Variants in RAD54L2 observed in about 807,000 individuals in gnomAD.
The protein encoded by RAD54L2 is RAD54 like 2.
Under a neutral mutation model 138.4 loss-of-function variants are expected in RAD54L2, and 27 were observed. That is an observed-to-expected ratio of 0.20 (90% CI 0.14 to 0.27). RAD54L2 has a LOEUF of 0.27. RAD54L2 is among the 10% of genes least tolerant of loss of function. The pLI is 1.00. For synonymous variants in RAD54L2, 644 were observed against 723.2 expected, an observed-to-expected ratio of 0.89 and a Z score of 1.76; for missense variants, 1,396 against 1,890.2, an observed-to-expected ratio of 0.74 and a Z score of 4.85.
chr3:51,599,930 T>TA (rs1700045284), intron 3 of RAD54L2, among the ~76,000 whole-genome samples: 1 of 150,992 alleles, frequency 6.6e-6, no homozygotes, highest in African/African-American at 2.4e-5. Context: ...AAGTAACTTT[T>TA]TTATTTTTTA....
Position 51,630,811 on chromosome 3 carries a change from C to A in RAD54L2, c.705C>A (p.Val235=). ...DEEEEKGGTH[V]NDVLNQRDAL... is the part of the protein sequence containing the mutation. ...AAGAAGAGAAGGGTGGCACCCATGT[C>A]AATGATGTCTTAAACCAGCGTGACG... Residue 235 remains valine (V), a synonymous_variant, in exon 7 of 23, where the codon GTC becomes GTA. Coordinates refer to ENST00000684192, the MANE Select transcript of RAD54L2 (RefSeq NM_015106.4). 6.2e-7 allele frequency: 1 copy of A among 1,613,998 alleles called. No individual in the cohort carries two copies. The highest frequency in any genetic ancestry group is 8.5e-7 in the Non-Finnish European group (1 of 1,179,876).
intron 19 of RAD54L2, among the ~76,000 whole-genome samples, chr3:51,653,268 AAGTC>A (rs1193506759): frequency 6.6e-6 from 1 of 152,216 alleles, no homozygotes; most frequent in Non-Finnish European, 1.5e-5. Flanking sequence ...GATCATTAAA[AAGTC>A]AGGAAACAAC....
chr3:51,581,929 C>CTTTT (rs200417357), intron 2 of RAD54L2, among the ~76,000 whole-genome samples: 2 of 142,196 alleles, frequency 1.4e-5, no homozygotes, highest in Admixed American at 1.4e-4. Context: ...CTTCTCTTTT[C>CTTTT]TTTTTTTTTT....
chr3:51,550,488 G>A (rs776362104), intron 2 of RAD54L2, among the ~76,000 whole-genome samples: 12 of 152,214 alleles, frequency 7.9e-5, no homozygotes, highest in Admixed American at 2.0e-4. Flanking sequence ...CCTGCTGGGT[G>A]TGGTGGTTTA....
chr3:51,629,499 G>T, intron 5 of RAD54L2, 26 bp downstream of exon 5: 1 of 1,608,422 alleles, frequency 6.2e-7, no homozygotes, highest in Non-Finnish European at 8.5e-7. Flanking sequence ...GGCAGGGAAG[G>T]CCCTTTGCTT....
At chr3:51,644,926 A>T (rs1451173980) in intron 16 of RAD54L2, 98 bp from the exon 17 acceptor site, 2 of 1,207,280 alleles carry the variant, frequency 1.7e-6, no homozygotes, top group Admixed American at 3.7e-5. Flanking sequence ...AGGGCTTAGG[A>T]CAGAGTAATA....
intron 14 of RAD54L2, among the ~76,000 whole-genome samples, chr3:51,641,506 G>A (rs1053370887): frequency 1.3e-5 from 2 of 151,686 alleles, no homozygotes; most frequent in East Asian, 1.9e-4. Context: ...TAGTACAGAC[G>A]GGGTTTTGCC....
rs73834266 is a variant in RAD54L2, at chr3:51,613,490, C to T, written c.140-14063C>T. Among the ~76,000 whole-genome samples the T allele has an allele frequency of 6.3e-3, 958 of 152,142 alleles. 11 individuals are homozygous for T. Among genetic ancestry groups the T allele is most frequent in the African/African-American group, 0.022 (916 of 41,540 alleles). The stretch of plus-strand genomic sequence containing the variant: ...AAGATGGTTAAAAAGGCATGTAGGC[C>T]GGTCGTGGCGGCTCACGCCTATAAT... On this transcript the variant is annotated intron_variant, in intron 3 of 22. Transcript: ENST00000684192.
chr3:51,656,100 A>G lies in RAD54L2; in HGVS notation c.3156A>G (p.Pro1052=). ...GSVSSASSTN[P]SMNFPINYLQ... is the part of the protein sequence containing the mutation. ...TAAGCTCTGCCTCCAGCACAAATCC[A>G]TCCATGAACTTTCCCATCAACTACT... The change falls in exon 20 of 23, where the codon CCA becomes CCG. Residue 1052 remains proline (P), a synonymous_variant. Coordinates refer to ENST00000684192, the MANE Select transcript of RAD54L2 (RefSeq NM_015106.4). 1.2e-6 allele frequency: 2 copies of G among 1,613,958 alleles called. No individual in the cohort carries two copies. The highest frequency in any genetic ancestry group is 8.5e-7 in the Non-Finnish European group (1 of 1,179,882).
At chr3:51,549,108 C>G (rs1227141672) in intron 2 of RAD54L2, among the ~76,000 whole-genome samples, 1 of 152,148 alleles carries the variant, frequency 6.6e-6, no homozygotes, top group Non-Finnish European at 1.5e-5. Context: ...TTCTCCCTGC[C>G]TCAGCCTCCT....
At chr3:51,570,540 T>A (rs893229886) in intron 2 of RAD54L2, among the ~76,000 whole-genome samples, 1 of 151,900 alleles carries the variant, frequency 6.6e-6, no homozygotes, top group Non-Finnish European at 1.5e-5. Context: ...CACTGCAACC[T>A]CTGCCTCCTG....
intron 2 of RAD54L2, among the ~76,000 whole-genome samples, chr3:51,552,646 A>AC (rs1698868552): frequency 7.1e-6 from 1 of 141,572 alleles, no homozygotes; most frequent in African/African-American, 2.7e-5. Flanking sequence ...ATCATAGCTC[A>AC]CTGCAACCTC....
At chr3:51,646,546 A>G in intron 19 of RAD54L2, 65 bp downstream of exon 19, 1 of 1,406,784 alleles carries the variant, frequency 7.1e-7, no homozygotes, top group Non-Finnish European at 9.6e-7. Flanking sequence ...ACTTGTTCAT[A>G]TTTTAAATAA....
intron 3 of RAD54L2, among the ~76,000 whole-genome samples, chr3:51,601,920 G>A (rs1700091234): frequency 6.6e-6 from 1 of 151,294 alleles, no homozygotes; most frequent in Non-Finnish European, 1.5e-5. Flanking sequence ...GCAGTGGTGC[G>A]ATCTCGGCTT....
chr3:51,636,068 G>A (rs1700977779), intron 10 of RAD54L2, among the ~76,000 whole-genome samples: 1 of 152,120 alleles, frequency 6.6e-6, no homozygotes, highest in Non-Finnish European at 1.5e-5. Flanking sequence ...AGAACAGTTG[G>A]AATAGTAACC....
chr3:51,574,114 T>G (rs553769265), intron 2 of RAD54L2, among the ~76,000 whole-genome samples: 1 of 151,884 alleles, frequency 6.6e-6, no homozygotes, highest in African/African-American at 2.4e-5. Flanking sequence ...TCTGTACTTG[T>G]GATAGTTTGC....
chr3:51,545,255 G>T (rs1437129013), intron 2 of RAD54L2, among the ~76,000 whole-genome samples: 1 of 151,900 alleles, frequency 6.6e-6, no homozygotes, highest in Non-Finnish European at 1.5e-5. Context: ...GCAGTGGTGT[G>T]ATCTCAGCTC....
chr3:51,550,461 A>G (rs763177374), intron 2 of RAD54L2, among the ~76,000 whole-genome samples: 26 of 152,168 alleles, frequency 1.7e-4, no homozygotes, highest in Non-Finnish European at 3.4e-4. Flanking sequence ...ATTATTAACT[A>G]CCATTAAGAA....
rs12330534 is a variant in RAD54L2 at position 51,638,439 on chromosome 3, C to T, written c.1860+118C>T. The T allele has an allele frequency of 2.1e-5, 25 of 1,213,044 alleles. No homozygotes were observed. Among genetic ancestry groups the T allele is most frequent in the Admixed American group, 4.5e-5 (2 of 44,170 alleles). The allele number at this position is 1,213,044 out of a possible 1,614,324, so 75.1% of individuals were successfully genotyped here. ...AGAATAAAGTGAGAGGGGGCCACCTCAGTTCACTGCACTGGAGGTTTGGGG... is the reference window on the plus strand; with the variant it reads ...AGAATAAAGTGAGAGGGGGCCACCTTAGTTCACTGCACTGGAGGTTTGGGG... On this transcript the variant is annotated intron_variant, in intron 12 of 22. Coordinates refer to ENST00000684192, the MANE Select transcript of RAD54L2 (RefSeq NM_015106.4). The surrounding 1 kb of genome is among the most constrained non-coding windows in gnomAD (Gnocchi z 4.3).
Sources: gnomAD v4.1 joint callset for allele counts (sites outside exome capture counted in the v4.1 genomes callset) on GRCh38, gnomAD v4.1.1 for gene constraint, Gnocchi (gnomAD v3.1) non-coding constraint, MANE v1.5 for transcripts, NCBI Gene and HGNC (gene_info 2026-07-23, HGNC 2026-07-21) for gene names.